LYAR: variants seen among roughly 807,000 people sequenced by gnomAD.
LYAR encodes the protein cell growth-regulating nucleolar protein.
LYAR carries 37 observed loss-of-function variants against 45.2 expected under a neutral mutation model. The observed-to-expected ratio is 0.82, with a 90% CI of 0.63 to 1.08. The LOEUF is 1.08. Ranked by LOEUF, LYAR falls within the 50% of genes least tolerant of loss-of-function variation. The probability of loss-of-function intolerance (pLI) is 0.00; values close to 1 mark genes in which losing one functional copy is unlikely to be tolerated. For synonymous variants in LYAR, 176 were observed against 155.1 expected (o/e 1.14, Z -1.00); for missense variants, 493 against 451.0 (o/e 1.09, Z -0.84).
At chr4:4,275,579 G>T (rs1487326875) in intron 6 of LYAR, among the ~76,000 whole-genome samples, 1 of 151,850 alleles carries the variant, frequency 6.6e-6, no homozygotes, top group Admixed American at 6.6e-5. Context: ...CAAGTAGCTG[G>T]GACCACAGGC....
chr4:4,270,548 A>C (rs915481966), intron 8 of LYAR, among the ~76,000 whole-genome samples: 6 of 150,296 alleles, frequency 4.0e-5, no homozygotes, highest in African/African-American at 7.3e-5. Context: ...AAAAAAAAAA[A>C]CCCACAAAAA....
Position 4,268,604 on chromosome 4 carries a change from A to T in LYAR, c.931T>A (p.Trp311Arg). Residue 311 changes from tryptophan (W) to arginine (R), a missense_variant, in exon 9 of 10, where the codon TGG (tryptophan) becomes AGG (arginine). Transcript: ENST00000343470. ...DEAPAKGKFN[W>R]KGTIKAILKQ... ...AGAATTGCTTTAATAGTTCCCTTCCAGTTGAATTTACCTACAATATAAATA... is the reference window on the plus strand; with the variant it reads ...AGAATTGCTTTAATAGTTCCCTTCCTGTTGAATTTACCTACAATATAAATA... 6.3e-7 allele frequency: 1 copy of T among 1,593,948 alleles called. No homozygotes were observed. The highest frequency in any genetic ancestry group is 8.6e-7 in the Non-Finnish European group (1 of 1,163,848).
At chr4:4,276,691 T>C (rs1355884518) in intron 6 of LYAR, among the ~76,000 whole-genome samples, 1 of 151,966 alleles carries the variant, frequency 6.6e-6, no homozygotes, top group Non-Finnish European at 1.5e-5. Context: ...ACCCTGTCTC[T>C]ACTAAAAATA....
rs574749222 is a variant in LYAR, at chr4:4,281,253, T to C, written c.237+530A>G. ...ATTCTAAAACTTTTTTTTCAAGAAA[T>C]TAACAAAACACATGGATTAAAGGTA... On this transcript the variant is annotated intron_variant, in intron 4 of 9. Coordinates refer to ENST00000343470, the MANE Select transcript of LYAR (RefSeq NM_017816.3). Among the ~76,000 whole-genome samples the C allele has an allele frequency of 2.6e-5, 4 of 152,176 alleles. No individual in the cohort carries two copies. The East Asian group carries it at 7.7e-4, about 29-fold the overall frequency.
chr4:4,273,304 C>T (rs1426059416), intron 8 of LYAR, among the ~76,000 whole-genome samples: 3 of 152,204 alleles, frequency 2.0e-5, no homozygotes, highest in Admixed American at 2.0e-4. Flanking sequence ...CTTATATATA[C>T]CTCTGGAGGG....
At chr4:4,285,272 CAGGA>C (rs1719560060) in intron 2 of LYAR, among the ~76,000 whole-genome samples, 1 of 152,194 alleles carries the variant, frequency 6.6e-6, no homozygotes, top group Non-Finnish European at 1.5e-5. Context: ...ACCAAATCCT[CAGGA>C]AGGAAAACAT....
chr4:4,277,041 ATAT>A (rs1577214373), intron 6 of LYAR, among the ~76,000 whole-genome samples: 1 of 152,056 alleles, frequency 6.6e-6, no homozygotes, highest in African/African-American at 2.4e-5. Context: ...TTCTAGTAAA[ATAT>A]TATTATCATT....
chr4:4,289,852 A>G (rs1167350612), intron 1 of LYAR, 184 bp downstream of exon 1: 1 of 152,286 alleles, frequency 6.6e-6, no homozygotes, highest in African/African-American at 2.4e-5. Context: ...TTTTAAAACT[A>G]AAACGAGTTG....
chr4:4,271,386 T>C (rs1174246973), intron 8 of LYAR, among the ~76,000 whole-genome samples: 1 of 152,258 alleles, frequency 6.6e-6, no homozygotes, highest in Admixed American at 6.5e-5. Context: ...GCTGTGTACA[T>C]GCACCACATT....
At position 4,273,627 on chromosome 4, in the gene LYAR, T is replaced by C; in HGVS notation, c.875A>G (p.His292Arg). 3 of 1,613,660 alleles carry C rather than the reference T, an allele frequency of 1.9e-6. No homozygotes were observed. Among genetic ancestry groups the C allele is most frequent in the Non-Finnish European group, 2.5e-6 (3 of 1,179,642 alleles). Residue 292 changes from histidine (H) to arginine (R), a missense_variant, in exon 8 of 10, where the codon CAT becomes CGT. His to Arg is a conservative substitution (Grantham distance 29). Transcript: ENST00000343470. ...SKKKKMKLPE[H>R]PEGGEPEDDE... ...GTCTTCTGGTTCTCCGCCCTCAGGA[T>C]GCTCTGGGAGCTTCATCTTTTTCTT... is the stretch of plus-strand genomic sequence containing the variant.
At position 4,279,447 on chromosome 4, in the gene LYAR, G is replaced by T; in HGVS notation, c.429C>A (p.Ser143Arg). The change falls in exon 6 of 10, where the codon AGC becomes AGA. Residue 143 changes from serine (S) to arginine (R), a missense_variant and splice_region_variant. By Grantham distance (110) the Ser-to-Arg change is moderately radical. Transcript: ENST00000343470. ...AAATCTAAAATCAGATCTGACTTACGCTGTTGGAAGCTTCAGAAAAGATAT... is the reference window on the plus strand; with the variant it reads ...AAATCTAAAATCAGATCTGACTTACTCTGTTGGAAGCTTCAGAAAAGATAT... Reference protein sequence around the residue: ...VWNIFSEASNSEPVNKEQDQR... With the variant: ...VWNIFSEASNREPVNKEQDQR... 1 of 1,597,116 alleles carries T rather than the reference G, an allele frequency of 6.3e-7. No individual in the cohort carries two copies. Among genetic ancestry groups the T allele is most frequent in the Non-Finnish European group, 8.6e-7 (1 of 1,166,130 alleles).
chr4:4,285,435 T>C (rs929397704), intron 2 of LYAR, among the ~76,000 whole-genome samples: 2 of 152,126 alleles, frequency 1.3e-5, no homozygotes, highest in Admixed American at 6.5e-5. Flanking sequence ...GGCAGAGGGA[T>C]GATCAACATG....
intron 6 of LYAR, among the ~76,000 whole-genome samples, chr4:4,276,316 A>G (rs1719177241): frequency 6.6e-6 from 1 of 152,168 alleles, no homozygotes; most frequent in African/African-American, 2.4e-5. Context: ...AGCAAGGACT[A>G]TGTCCTCAAA....
intron 6 of LYAR, 138 bp from the exon 7 acceptor site, chr4:4,274,907 AC>A: frequency 1.4e-6 from 1 of 721,768 alleles, no homozygotes; most frequent in Non-Finnish European, 2.2e-6. Flanking sequence ...TATAACTGTG[AC>A]CCCCACCAAC....
intron 1 of LYAR, among the ~76,000 whole-genome samples, chr4:4,288,399 T>G (rs996417618): frequency 6.6e-6 from 1 of 152,182 alleles, no homozygotes; most frequent in Non-Finnish European, 1.5e-5. Context: ...CCTGATAACA[T>G]GCCCTTAGGT....
At chr4:4,268,147 G>T in intron 9 of LYAR, 124 bp from the exon 10 acceptor site, 1 of 877,488 alleles carries the variant, frequency 1.1e-6, no homozygotes, top group Non-Finnish European at 1.6e-6. Context: ...AAGCGACACC[G>T]GCGTGCTCTC....
chr4:4,278,307 A>G lies in LYAR; in HGVS notation c.429+1140T>C, dbSNP rs73089593. On this transcript the variant is annotated intron_variant, in intron 6 of 9. Coordinates refer to ENST00000343470, the MANE Select transcript of LYAR (RefSeq NM_017816.3). ...AACTCCCGATAATTTGATAAGAATGAAAGACCAGTGGGGTTCTGACCCCAC... is the reference window on the plus strand; with the variant it reads ...AACTCCCGATAATTTGATAAGAATGGAAGACCAGTGGGGTTCTGACCCCAC... Among the ~76,000 whole-genome samples the G allele has an allele frequency of 5.5e-3, 836 of 152,302 alleles. 8 individuals carry two copies. The highest frequency in any genetic ancestry group is 0.018 in the African/African-American group (766 of 41,572).
At chr4:4,268,063 G>C (rs763211014) in intron 9 of LYAR, 40 bp from the exon 10 acceptor site, 1 of 1,499,302 alleles carries the variant, frequency 6.7e-7, no homozygotes, top group Non-Finnish European at 8.9e-7. Context: ...ATTTGACCTG[G>C]AAAATTATCT....
chr4:4,288,148 C>G (rs1719687529), intron 1 of LYAR, among the ~76,000 whole-genome samples: 1 of 152,144 alleles, frequency 6.6e-6, no homozygotes, highest in South Asian at 2.1e-4. Flanking sequence ...GGATCTAATA[C>G]CTAACTCAAA....
Sources: allele counts gnomAD v4.1 joint callset (sites outside exome capture counted in the v4.1 genomes callset), GRCh38; gene constraint gnomAD v4.1.1; transcripts MANE v1.5; gene names NCBI Gene and HGNC (gene_info 2026-07-23, HGNC 2026-07-21).